PDE10A: variants seen among roughly 807,000 people sequenced by gnomAD.
PDE10A encodes the protein phosphodiesterase 10A.
PDE10A carries 39 observed loss-of-function variants against 97.7 expected under a neutral mutation model. That is an observed-to-expected ratio of 0.40 (90% confidence interval 0.31 to 0.52). PDE10A has a LOEUF of 0.52. Among genes scored for constraint, PDE10A ranks in the 20% least tolerant of loss-of-function variants. The probability of loss-of-function intolerance (pLI) is 0.56; values close to 1 mark genes in which losing one functional copy is unlikely to be tolerated. For missense variants in PDE10A, 731 were observed against 1,047.8 expected, an observed-to-expected ratio of 0.70 and a Z score of 4.17; for synonymous variants, 371 against 376.8, an observed-to-expected ratio of 0.98 and a Z score of 0.18.
rs534179783 is a variant in PDE10A at position 165,330,559 on chromosome 6, G to C, written c.*2466C>G. ...GAATTCAGTCTTTTGTTCAAGCTGT[G>C]CTTCTATTATGACAATATTTCACAA... is the stretch of plus-strand genomic sequence containing the variant. On this transcript the variant is annotated 3_prime_UTR_variant, in exon 22 of 22. Transcript: ENST00000539869. 6.6e-6 allele frequency: 1 copy of C among 152,092 alleles called. No individual in the cohort carries two copies. Among genetic ancestry groups the C allele is most frequent in the Non-Finnish European group, 1.5e-5 (1 of 68,006 alleles). The allele number at this position is 152,092 out of a possible 1,614,324, so 9.4% of individuals were successfully genotyped here.
At chr6:165,673,518 G>A (rs1405265743) in intron 1 of PDE10A, among the ~76,000 whole-genome samples, 1 of 152,224 alleles carries the variant, frequency 6.6e-6, no homozygotes, top group Non-Finnish European at 1.5e-5. Context: ...GATGATCTCC[G>A]CAGACCTTCT....
intron 9 of PDE10A, 21 bp downstream of exon 9, chr6:165,430,266 T>A (rs747943028): frequency 4.4e-6 from 7 of 1,573,102 alleles, no homozygotes; most frequent in Middle Eastern, 1.7e-4. Context: ...AGAGCTACTA[T>A]CCCTAGAAAT....
At chr6:165,518,198 G>A (rs1164257097) in intron 2 of PDE10A, among the ~76,000 whole-genome samples, 1 of 152,070 alleles carries the variant, frequency 6.6e-6, no homozygotes, top group Non-Finnish European at 1.5e-5. Context: ...ATTAATTAAG[G>A]ACATTAAATA....
chr6:165,432,701 A>G (rs919585717), intron 7 of PDE10A, among the ~76,000 whole-genome samples: 5 of 151,346 alleles, frequency 3.3e-5, no homozygotes, highest in African/African-American at 1.2e-4. Context: ...TCCTTCTACT[A>G]CTTTCTATGA....
At chr6:165,556,399 C>T (rs556054607) in intron 1 of PDE10A, among the ~76,000 whole-genome samples, 1 of 152,214 alleles carries the variant, frequency 6.6e-6, no homozygotes, top group Non-Finnish European at 1.5e-5. Context: ...AAGTCCAAGG[C>T]TTCTGCCTTG....
intron 1 of PDE10A, among the ~76,000 whole-genome samples, chr6:165,726,677 T>C (rs2128449856): frequency 6.6e-6 from 1 of 152,292 alleles, no homozygotes; most frequent in Non-Finnish European, 1.5e-5. Flanking sequence ...GTCCCATGGT[T>C]AGACCCCACC....
intron 1 of PDE10A, among the ~76,000 whole-genome samples, chr6:165,601,897 C>T (rs1562620153): frequency 6.6e-6 from 1 of 152,114 alleles, no homozygotes; most frequent in South Asian, 2.1e-4. Flanking sequence ...TCCCACCCTG[C>T]CCTGTTGGCC....
intron 2 of PDE10A, among the ~76,000 whole-genome samples, chr6:165,501,533 A>C (rs1005686585): frequency 1.3e-5 from 2 of 151,780 alleles, no homozygotes; most frequent in African/African-American, 4.8e-5. Context: ...AGATCGCGCC[A>C]CTGCACTCCA....
chr6:165,622,288 G>T (rs1788177896), intron 1 of PDE10A, among the ~76,000 whole-genome samples: 2 of 151,176 alleles, frequency 1.3e-5, no homozygotes, highest in Admixed American at 1.3e-4. Context: ...GTGTGTGTGT[G>T]TGTGTGTATG....
intron 1 of PDE10A, among the ~76,000 whole-genome samples, chr6:165,962,332 G>A (rs543838242): frequency 6.6e-6 from 1 of 152,356 alleles, no homozygotes; most frequent in Admixed American, 6.5e-5. Flanking sequence ...GAATGAGGAT[G>A]GACCCAAAGG....
intron 2 of PDE10A, among the ~76,000 whole-genome samples, chr6:165,505,126 A>T (rs1254665152): frequency 6.6e-6 from 1 of 152,202 alleles, no homozygotes; most frequent in Non-Finnish European, 1.5e-5. Flanking sequence ...CCTTCTAATG[A>T]TTTTGTAAGT....
chr6:165,958,090 G>T (rs188981344), intron 1 of PDE10A, among the ~76,000 whole-genome samples: 1 of 152,242 alleles, frequency 6.6e-6, no homozygotes, highest in South Asian at 2.1e-4. Context: ...TCACACAGAC[G>T]GTCTCCCACT....
In PDE10A at chr6:165,658,173, C is replaced by T. The variant is rs1279855276; in HGVS notation, c.865+3774G>A. Among the ~76,000 whole-genome samples the T allele has an allele frequency of 3.3e-5, 5 of 152,282 alleles. No individual in the cohort carries two copies. The East Asian group carries it at 9.7e-4, about 29-fold the overall frequency. ...AGTTTGTACGTGTTAAACACATTTG[C>T]TCTTAAAAGAGATCATATTTATCTC... is the stretch of plus-strand genomic sequence containing the variant. On this transcript the variant is annotated intron_variant, in intron 1 of 21. Transcript: ENST00000539869.
chr6:165,495,718 T>G lies in PDE10A; in HGVS notation c.995-13375A>C, dbSNP rs144517185. Among the ~76,000 whole-genome samples the G allele has an allele frequency of 1.8e-4, 28 of 152,264 alleles. No individual in the cohort carries two copies. In the East Asian group the frequency reaches 5.0e-3, roughly 27 times the overall value. On this transcript the variant is annotated intron_variant, in intron 2 of 21. Transcript: ENST00000539869. ...TTATCCAGCTGGAATCTACAATATA[T>G]AAGACTCTTTTCACTCAAATAAGGC...
intron 18 of PDE10A, among the ~76,000 whole-genome samples, chr6:165,359,854 C>T (rs1431254819): frequency 1.3e-5 from 2 of 152,064 alleles, no homozygotes; most frequent in Non-Finnish European, 2.9e-5. Flanking sequence ...AAACTCATCC[C>T]AGTTTGTGGG....
chr6:165,688,076 A>G (rs116625683), intron 1 of PDE10A, among the ~76,000 whole-genome samples: 1 of 152,218 alleles, frequency 6.6e-6, no homozygotes, highest in African/African-American at 2.4e-5. Context: ...CTCACCTGAG[A>G]CATGGAAAAC....
At chr6:165,896,803 C>T (rs571237499) in intron 1 of PDE10A, among the ~76,000 whole-genome samples, 2 of 152,160 alleles carry the variant, frequency 1.3e-5, no homozygotes, top group African/African-American at 4.8e-5. Context: ...GGATTACATG[C>T]GTGAGCCACC....
At chr6:165,334,106 T>C (rs1448433216) in intron 21 of PDE10A, among the ~76,000 whole-genome samples, 2 of 152,254 alleles carry the variant, frequency 1.3e-5, no homozygotes, top group African/African-American at 2.4e-5. Context: ...TTGGTATGTT[T>C]CCTTGGACAC....
At chr6:165,717,056 T>A (rs1344739861) in intron 1 of PDE10A, among the ~76,000 whole-genome samples, 3 of 152,212 alleles carry the variant, frequency 2.0e-5, no homozygotes, top group Admixed American at 2.0e-4. Context: ...TACAATTGAC[T>A]TCTCTAGGTG....
Sources: gnomAD v4.1 joint callset for allele counts (sites outside exome capture counted in the v4.1 genomes callset) on GRCh38, gnomAD v4.1.1 for gene constraint, MANE v1.5 for transcripts, NCBI Gene and HGNC (gene_info 2026-07-23, HGNC 2026-07-21) for gene names.